Variants in CNTN5 observed in about 807,000 individuals in gnomAD.
The protein encoded by CNTN5 is contactin 5.
A neutral mutation model predicts 129.1 loss-of-function variants in CNTN5; 77 were observed. That is an observed-to-expected ratio of 0.60 (90% CI 0.50 to 0.72). The LOEUF is 0.72. CNTN5 is among the 30% of genes least tolerant of loss of function. The pLI is 0.00. For synonymous variants in CNTN5, 509 were observed against 465.6 expected (o/e 1.09, Z -1.20); for missense variants, 1,478 against 1,328.8 (o/e 1.11, Z -1.75).
intron 3 of CNTN5, among the ~76,000 whole-genome samples, chr11:99,751,702 T>C (rs1279842885): frequency 6.6e-6 from 1 of 152,180 alleles, no homozygotes; most frequent in Non-Finnish European, 1.5e-5. Flanking sequence ...GTGTAAATAT[T>C]TTTGAATTTT....
At chr11:100,034,439 T>C (rs984999989) in intron 9 of CNTN5, among the ~76,000 whole-genome samples, 2 of 152,210 alleles carry the variant, frequency 1.3e-5, no homozygotes, top group African/African-American at 4.8e-5. Flanking sequence ...ATCTACTTAG[T>C]ACAACCCCAT....
At chr11:99,232,027 T>C (rs1005451228) in intron 1 of CNTN5, among the ~76,000 whole-genome samples, 4 of 152,214 alleles carry the variant, frequency 2.6e-5, no homozygotes, top group Non-Finnish European at 4.4e-5. Context: ...TTTGTACCAC[T>C]ACCATACTGC....
chr11:99,997,781 G>A lies in CNTN5; in HGVS notation c.878-4253G>A, dbSNP rs955043385. Among the ~76,000 whole-genome samples, 151 of 152,148 alleles carry A rather than the reference G, an allele frequency of 9.9e-4. 1 individual carries two copies. Among genetic ancestry groups the A allele is most frequent in the Non-Finnish European group, 1.3e-3 (87 of 68,008 alleles). ...ATAAAATACTGGCAAACCGAATCCA[G>A]CAGCACATCAAAAAGCTTATCCACC... is the stretch of plus-strand genomic sequence containing the variant. On this transcript the variant is annotated intron_variant, in intron 8 of 24. Coordinates refer to ENST00000524871, the MANE Select transcript of CNTN5 (RefSeq NM_014361.4).
rs144628207 is a variant in CNTN5, at chr11:99,868,561, A to G, written c.577+23299A>G. Among the ~76,000 whole-genome samples the G allele has an allele frequency of 1.4e-3, 215 of 152,328 alleles. 1 individual carries two copies. Among genetic ancestry groups the G allele is most frequent in the African/African-American group, 4.9e-3 (204 of 41,584 alleles). Reference sequence around the variant, plus strand: ...GCTCCATTTCGCAAACTATTCATATAGTAAAACAGGGTTTAGAACAAAATG... The same window carrying G: ...GCTCCATTTCGCAAACTATTCATATGGTAAAACAGGGTTTAGAACAAAATG... On this transcript the variant is annotated intron_variant, in intron 6 of 24. Transcript: ENST00000524871.
At chr11:100,329,642 A>G (rs1028816566) in intron 21 of CNTN5, among the ~76,000 whole-genome samples, 1 of 152,248 alleles carries the variant, frequency 6.6e-6, no homozygotes, top group Non-Finnish European at 1.5e-5. Flanking sequence ...GATGACTCAC[A>G]TCACAGGACT....
At chr11:99,533,677 G>A (rs1349521062) in intron 2 of CNTN5, among the ~76,000 whole-genome samples, 3 of 152,208 alleles carry the variant, frequency 2.0e-5, no homozygotes, top group Non-Finnish European at 4.4e-5. Flanking sequence ...GTTCACTGGT[G>A]GGGGTACAGG....
In CNTN5 at chr11:99,115,860, A is replaced by G. The variant is rs144768727; in HGVS notation, c.-210+94590A>G. On this transcript the variant is annotated intron_variant, in intron 1 of 24. Transcript: ENST00000524871. ...GCAAAGAAAGGAAGGAGACACAGCT[A>G]GCACTTTCAGAAAAAGAAGTGAGTA... Among the ~76,000 whole-genome samples the G allele has an allele frequency of 1.4e-3, 209 of 152,298 alleles. 1 individual carries two copies. Among genetic ancestry groups the G allele is most frequent in the African/African-American group, 5.0e-3 (207 of 41,574 alleles).
intron 1 of CNTN5, among the ~76,000 whole-genome samples, chr11:99,233,403 T>A (rs1015765278): frequency 6.6e-6 from 1 of 152,196 alleles, no homozygotes; most frequent in South Asian, 2.1e-4. Flanking sequence ...GTGGAAATAC[T>A]GGGGTGTTAT....
At chr11:99,154,168 T>G (rs1860218236) in intron 1 of CNTN5, among the ~76,000 whole-genome samples, 2 of 152,138 alleles carry the variant, frequency 1.3e-5, no homozygotes, top group Admixed American at 6.5e-5. Flanking sequence ...ACAAGCACAT[T>G]TCCTGTGGTG....
intron 13 of CNTN5, among the ~76,000 whole-genome samples, chr11:100,169,223 G>A (rs1198159962): frequency 6.6e-6 from 1 of 151,974 alleles, no homozygotes; most frequent in Non-Finnish European, 1.5e-5. Context: ...TTTGAAGAGG[G>A]TTGACTCCTA....
chr11:99,929,096 TA>T (rs983108047), intron 7 of CNTN5, among the ~76,000 whole-genome samples: 1 of 152,184 alleles, frequency 6.6e-6, no homozygotes, highest in Non-Finnish European at 1.5e-5. Context: ...GTCTCTTTGC[TA>T]AAACATAGCA....
chr11:99,133,953 C>T (rs1859088095), intron 1 of CNTN5, among the ~76,000 whole-genome samples: 2 of 152,118 alleles, frequency 1.3e-5, no homozygotes, highest in Admixed American at 1.3e-4. Flanking sequence ...AAGATACATG[C>T]ACATGTATGT....
intron 1 of CNTN5, among the ~76,000 whole-genome samples, chr11:99,251,459 A>G (rs1285986230): frequency 1.3e-5 from 2 of 151,904 alleles, no homozygotes; most frequent in Admixed American, 1.3e-4. Flanking sequence ...CAGTTATAGA[A>G]ATAGTATCTT....
At chr11:99,632,881 A>G (rs993220328) in intron 3 of CNTN5, among the ~76,000 whole-genome samples, 1 of 151,732 alleles carries the variant, frequency 6.6e-6, no homozygotes, top group East Asian at 2.0e-4. Context: ...TTAATTACTT[A>G]AGGTATCTTC....
intron 2 of CNTN5, among the ~76,000 whole-genome samples, chr11:99,392,790 A>G (rs1177762016): frequency 6.6e-6 from 1 of 151,924 alleles, no homozygotes; most frequent in East Asian, 1.9e-4. Context: ...TAAAGGGTAA[A>G]TAGTAAAGAA....
At chr11:99,647,201 G>A (rs2458170) in intron 3 of CNTN5, among the ~76,000 whole-genome samples, 150,584 of 152,234 alleles carry the variant, frequency 0.99, 74,480 homozygotes, top group East Asian at 1. Context: ...TTGAGCTTCA[G>A]TCTATTTAGT....
intron 1 of CNTN5, among the ~76,000 whole-genome samples, chr11:99,205,427 G>A (rs1859430535): frequency 6.6e-6 from 1 of 152,008 alleles, no homozygotes; most frequent in African/African-American, 2.4e-5. Flanking sequence ...CCAAGATTGT[G>A]TCTGCTGTAG....
intron 1 of CNTN5, among the ~76,000 whole-genome samples, chr11:99,149,799 C>CA (rs1013004375): frequency 1.3e-5 from 2 of 151,782 alleles, no homozygotes; most frequent in Admixed American, 6.6e-5. Context: ...ATCACACACA[C>CA]AAAAAAATGT....
rs67720359 is a variant in CNTN5, at chr11:99,253,897, T to TTATATATATA, written c.-209-71431_-209-71422dup. 5.6e-3 allele frequency among the ~76,000 whole-genome samples: 780 copies of TTATATATATA among 138,980 alleles called. 3 individuals are homozygous for TTATATATATA. Among genetic ancestry groups the TTATATATATA allele is most frequent in the African/African-American group, 0.015 (546 of 37,636 alleles). 91.2% of individuals were successfully genotyped at this position (138,980 alleles called of 152,430 possible). ...AAAATGTATTAACACAAATATACGT[T>TTATATATATA]TATATATATATATATATATATATAT... On this transcript the variant is annotated intron_variant, in intron 1 of 24. Transcript: ENST00000524871.
Sources: gnomAD v4.1 joint callset for allele counts (sites outside exome capture counted in the v4.1 genomes callset) on GRCh38, gnomAD v4.1.1 for gene constraint, MANE v1.5 for transcripts, NCBI Gene and HGNC (gene_info 2026-07-23, HGNC 2026-07-21) for gene names.